Variants in FLOT1 observed in about 807,000 individuals in gnomAD.
FLOT1 encodes the protein flotillin-1.
Under a neutral mutation model 58.4 loss-of-function variants are expected in FLOT1, and 40 were observed. The ratio of observed to expected loss-of-function variants is 0.69; its 90% CI spans 0.53 to 0.89. FLOT1 has a LOEUF of 0.89. Among genes scored for constraint, FLOT1 ranks in the 40% least tolerant of loss-of-function variants. FLOT1 has a pLI of 0.00. For synonymous variants in FLOT1, 178 were observed against 204.2 expected (o/e 0.87, Z 1.09); for missense variants, 423 against 540.8 (o/e 0.78, Z 2.16).
At chr6:30,733,091 A>C (rs1777314047) in intron 8 of FLOT1, among the ~76,000 whole-genome samples, 1 of 152,112 alleles carries the variant, frequency 6.6e-6, no homozygotes. Context: ...GCTGGAGTGC[A>C]GTGACGCAGT....
rs1451765688 is a variant in FLOT1, at chr6:30,737,234, G to GTCCATCCATCCATCCATCCATCCA, written c.723+2923_723+2924insTGGATGGATGGATGGATGGATGGA. Among the ~76,000 whole-genome samples the GTCCATCCATCCATCCATCCATCCA allele has an allele frequency of 2.8e-5, 3 of 105,968 alleles. No individual in the cohort carries two copies. Among genetic ancestry groups the GTCCATCCATCCATCCATCCATCCA allele is most frequent in the African/African-American group, 7.3e-5 (2 of 27,340 alleles). 69.5% of individuals were successfully genotyped at this position (105,968 alleles called of 152,430 possible). A position where few individuals can be genotyped will look rare whatever the true frequency, so the allele number is the denominator to read the frequency against. The stretch of plus-strand genomic sequence containing the variant: ...CGTCCGTCCGTCCGTCCGTCCGTCC[G>GTCCATCCATCCATCCATCCATCCA]TCCGTCCGTCCGTCCATCCGTCCAT... On this transcript the variant is annotated intron_variant, in intron 8 of 12. Coordinates refer to ENST00000376389, the MANE Select transcript of FLOT1 (RefSeq NM_005803.4). This position sits in a 1 kb window ranked among gnomAD's most constrained non-coding sequence, Gnocchi z 4.4.
rs1221643409 is a variant in FLOT1, at chr6:30,741,426, C to T, written c.211-93G>A. 1 of 1,517,646 alleles carries T rather than the reference C, an allele frequency of 6.6e-7. No homozygotes were observed. Among genetic ancestry groups the T allele is most frequent in the Non-Finnish European group, 9.1e-7 (1 of 1,102,982 alleles). The allele number at this position is 1,517,646 out of a possible 1,614,324, so 94.0% of individuals were successfully genotyped here. ...AGAAGGGAGAGCCCTCTAAGAAATG[C>T]TTCTTCCATTTCAGGGAAAGAAAGG... is the stretch of plus-strand genomic sequence containing the variant. On this transcript the variant is annotated intron_variant, in intron 4 of 12. Transcript: ENST00000376389. This position sits in a 1 kb window ranked among gnomAD's most constrained non-coding sequence, Gnocchi z 5.9.
chr6:30,738,252 C>T (rs1428314463), intron 8 of FLOT1, among the ~76,000 whole-genome samples: 1 of 152,186 alleles, frequency 6.6e-6, no homozygotes, highest in Non-Finnish European at 1.5e-5. Flanking sequence ...GATGCTGCAG[C>T]TGCTGCTGGG....
intron 8 of FLOT1, among the ~76,000 whole-genome samples, chr6:30,734,215 A>C (rs1777408394): frequency 6.6e-6 from 1 of 151,936 alleles, no homozygotes; most frequent in Non-Finnish European, 1.5e-5. Context: ...TTGGGCACTT[A>C]GTAGACCATT....
chr6:30,734,080 G>A (rs986117392), intron 8 of FLOT1, among the ~76,000 whole-genome samples: 5 of 139,222 alleles, frequency 3.6e-5, no homozygotes, highest in African/African-American at 5.3e-5. Flanking sequence ...AAAGGAATCT[G>A]AAGTCATTTT....
In FLOT1 at chr6:30,727,860, A is replaced by G. The variant is rs1776839398; in HGVS notation, c.*256T>C. 2.5e-5 allele frequency: 15 copies of G among 591,314 alleles called. No homozygotes were observed. Among genetic ancestry groups the G allele is most frequent in the Non-Finnish European group, 4.2e-5 (14 of 331,306 alleles). 36.6% of individuals were successfully genotyped at this position (591,314 alleles called of 1,614,324 possible). A position where few individuals can be genotyped will look rare whatever the true frequency, so the allele number is the denominator to read the frequency against. ...CAGTCTGATTTAATTAGGAAGTTAA[A>G]TAAGTTGAGGTGGGGTGGAGTGGGA... On this transcript the variant is annotated 3_prime_UTR_variant, in exon 13 of 13. Coordinates refer to ENST00000376389, the MANE Select transcript of FLOT1 (RefSeq NM_005803.4).
rs1777870958 is a variant in FLOT1, at chr6:30,740,228, A to G, written c.653T>C (p.Leu218Pro). The G allele has an allele frequency of 6.2e-7, 1 of 1,612,882 alleles. No homozygotes were observed. Among genetic ancestry groups the G allele is most frequent in the Admixed American group, 1.7e-5 (1 of 60,004 alleles). Residue 218 changes from leucine (L) to proline (P), a missense_variant, in exon 8 of 13, where the codon CTG (leucine) becomes CCG (proline). Coordinates refer to ENST00000376389, the MANE Select transcript of FLOT1 (RefSeq NM_005803.4). ...CTCGATGTCATAGGCGGCCTTCTTC[A>G]GTTCGTAATCTCTCTGTGCCTTGGC... ...EMAKAQRDYE[L>P]KKAAYDIEVN...
At position 30,741,141 on chromosome 6, in the gene FLOT1, C is replaced by G. The variant is rs1374361923; in HGVS notation, c.354+49G>C. On this transcript the variant is annotated intron_variant, in intron 5 of 12. Transcript: ENST00000376389. This position sits in a 1 kb window ranked among gnomAD's most constrained non-coding sequence, Gnocchi z 5.9. ...TCACAGACTAGTGTGGGCCTTGGGC[C>G]CCCCTCATTTTGACATCCTTCCAGA... 1.2e-6 allele frequency: 2 copies of G among 1,602,724 alleles called. No individual in the cohort carries two copies. Among genetic ancestry groups the G allele is most frequent in the Non-Finnish European group, 1.7e-6 (2 of 1,173,286 alleles).
chr6:30,730,652 A>T (rs539126525), intron 10 of FLOT1, 30 bp downstream of exon 10: 1 of 1,613,768 alleles, frequency 6.2e-7, no homozygotes, highest in East Asian at 2.2e-5. Context: ...CCCTCTCCAC[A>T]AGCCAGCATG....
rs1021187895 is a variant in FLOT1, at chr6:30,727,932, G to T, written c.*184C>A. 5 of 656,042 alleles carry T rather than the reference G, an allele frequency of 7.6e-6. No individual in the cohort carries two copies. In the African/African-American group the frequency reaches 8.8e-5, roughly 12 times the overall value. The allele number at this position is 656,042 out of a possible 1,614,324, so 40.6% of individuals were successfully genotyped here. On this transcript the variant is annotated 3_prime_UTR_variant, in exon 13 of 13. Transcript: ENST00000376389. Reference sequence around the variant, plus strand: ...ACCGCTGGAGTTGGCAATCATAGCAGTGTGAGGTTGGCAAGGGGAGCAACC... The same window carrying T: ...ACCGCTGGAGTTGGCAATCATAGCATTGTGAGGTTGGCAAGGGGAGCAACC...
intron 12 of FLOT1, among the ~76,000 whole-genome samples, chr6:30,729,506 A>G (rs1776996637): frequency 6.6e-6 from 1 of 152,224 alleles, no homozygotes; most frequent in African/African-American, 2.4e-5. Context: ...TTTTAAGATG[A>G]GGAAACAGGT....
intron 8 of FLOT1, among the ~76,000 whole-genome samples, 157 bp from the exon 9 acceptor site, chr6:30,731,257 G>T (rs944221469): frequency 6.6e-6 from 1 of 152,166 alleles, no homozygotes; most frequent in Non-Finnish European, 1.5e-5. Flanking sequence ...GGCCAAGGAG[G>T]GTGGATTGCC....
chr6:30,739,328 A>G (rs1205181300), intron 8 of FLOT1, among the ~76,000 whole-genome samples: 2 of 151,444 alleles, frequency 1.3e-5, no homozygotes, highest in Non-Finnish European at 2.9e-5. Flanking sequence ...CTCCAAACAT[A>G]TGATCAGCCT....
intron 12 of FLOT1, among the ~76,000 whole-genome samples, chr6:30,729,265 G>T (rs1251634358): frequency 6.6e-6 from 1 of 151,608 alleles, no homozygotes; most frequent in Non-Finnish European, 1.5e-5. Flanking sequence ...TTTTAGTAAA[G>T]ATGGTGTTTC....
chr6:30,740,121 G>A (rs772724011), intron 8 of FLOT1, 37 bp downstream of exon 8: 20 of 1,605,774 alleles, frequency 1.2e-5, no homozygotes, highest in Non-Finnish European at 1.7e-5. Flanking sequence ...GAGAGGAATG[G>A]GGAAGGGGCA....
In FLOT1 at chr6:30,727,866, T is replaced by C. The variant is rs746821077; in HGVS notation, c.*250A>G. The C allele has an allele frequency of 4.6e-5, 27 of 592,206 alleles. No individual in the cohort carries two copies. The highest frequency in any genetic ancestry group is 8.1e-5 in the Non-Finnish European group (27 of 331,746). The allele number at this position is 592,206 out of a possible 1,614,324, so 36.7% of individuals were successfully genotyped here. On this transcript the variant is annotated 3_prime_UTR_variant, in exon 13 of 13. Coordinates refer to ENST00000376389, the MANE Select transcript of FLOT1 (RefSeq NM_005803.4). ...GATTTAATTAGGAAGTTAAATAAGT[T>C]GAGGTGGGGTGGAGTGGGATCATCA...
rs10947088 is a variant in FLOT1 at position 30,742,053 on chromosome 6, T to C, written c.43+94A>G. ...TGGCCATCAAGGGGCAGAAGTCTGG[T>C]GCTGGGAAGTTGGTAGGGAGAGGGA... On this transcript the variant is annotated intron_variant, in intron 2 of 12. Coordinates refer to ENST00000376389, the MANE Select transcript of FLOT1 (RefSeq NM_005803.4). This position sits in a 1 kb window ranked among gnomAD's most constrained non-coding sequence, Gnocchi z 5.2. 0.046 allele frequency: 62,642 copies of C among 1,367,634 alleles called. 2,502 individuals carry two copies. The highest frequency in any genetic ancestry group is 0.16 in the African/African-American group (11,119 of 69,912). The allele number at this position is 1,367,634 out of a possible 1,614,324, so 84.7% of individuals were successfully genotyped here.
intron 8 of FLOT1, among the ~76,000 whole-genome samples, chr6:30,734,655 G>A (rs975988350): frequency 2.0e-5 from 3 of 151,996 alleles, no homozygotes; most frequent in African/African-American, 7.3e-5. Flanking sequence ...GCTTCTTTCT[G>A]TGGGGTTTTA....
At position 30,730,971 on chromosome 6, in the gene FLOT1, T is replaced by TCCGCAC; in HGVS notation, c.847_852dup (p.Val283_Arg284dup). On this transcript the variant is annotated inframe_insertion, in exon 9 of 13. Transcript: ENST00000376389. ...TTGTAGCGCTCCGCTTCCGCTGGCT[T>TCCGCAC]CCGCACCCGGGCCTCCAGCTCCTTC... 6.2e-7 allele frequency: 1 copy of TCCGCAC among 1,613,988 alleles called. No individual in the cohort carries two copies. The highest frequency in any genetic ancestry group is 1.7e-4 in the Middle Eastern group (1 of 6,052).
Sources: allele counts gnomAD v4.1 joint callset (sites outside exome capture counted in the v4.1 genomes callset), GRCh38; gene constraint gnomAD v4.1.1; non-coding constraint Gnocchi (gnomAD v3.1); transcripts MANE v1.5; gene names NCBI Gene and HGNC (gene_info 2026-07-23, HGNC 2026-07-21).